Variants in SMC5 observed in about 807,000 individuals in gnomAD.
The protein encoded by SMC5 is structural maintenance of chromosomes 5, also known as structural maintenance of chromosomes protein 5.
A neutral mutation model predicts 148.3 loss-of-function variants in SMC5; 88 were observed. The ratio of observed to expected loss-of-function variants is 0.59; its 90% CI spans 0.50 to 0.71. The LOEUF is 0.71. Ranked by LOEUF, SMC5 falls within the 30% of genes least tolerant of loss-of-function variation. The probability of loss-of-function intolerance (pLI) is 0.00; values close to 1 mark genes in which losing one functional copy is unlikely to be tolerated. For missense variants in SMC5, 1,142 were observed against 1,298.9 expected, an observed-to-expected ratio of 0.88 and a Z score of 1.86; for synonymous variants, 421 against 432.8, an observed-to-expected ratio of 0.97 and a Z score of 0.34.
intron 8 of SMC5, among the ~76,000 whole-genome samples, chr9:70,295,697 A>G (rs2035183737): frequency 6.6e-6 from 1 of 152,138 alleles, no homozygotes; most frequent in Non-Finnish European, 1.5e-5. Context: ...ATTGAAAGGT[A>G]AGGGATCGTT....
At chr9:70,315,120 A>G (rs1219286512) in intron 12 of SMC5, among the ~76,000 whole-genome samples, 2 of 152,096 alleles carry the variant, frequency 1.3e-5, no homozygotes, top group Non-Finnish European at 2.9e-5. Context: ...TTCATAATGC[A>G]GAAACAATTT....
chr9:70,278,667 T>C, intron 5 of SMC5, 42 bp downstream of exon 5: 1 of 1,558,970 alleles, frequency 6.4e-7, no homozygotes, highest in South Asian at 1.2e-5. Context: ...TTCTTATTGA[T>C]TTCTGTATCT....
At chr9:70,307,437 T>C (rs957210194) in intron 11 of SMC5, among the ~76,000 whole-genome samples, 26 of 152,204 alleles carry the variant, frequency 1.7e-4, no homozygotes, top group Non-Finnish European at 3.2e-4. Context: ...CTTTTTCTTC[T>C]CCTCCATTTA....
rs918826182 is a variant in SMC5 at position 70,346,702 on chromosome 9, T to C, written c.2568+53T>C. 22 of 1,590,842 alleles carry C rather than the reference T, an allele frequency of 1.4e-5. No individual in the cohort carries two copies. The Admixed American group carries it at 2.2e-4, about 16-fold the overall frequency. ...AGCTCCTGTTTTCCCTCTGCCTTGCTCCTCCCTAGCCATTTGCTTTAAGGC... is the reference window on the plus strand; with the variant it reads ...AGCTCCTGTTTTCCCTCTGCCTTGCCCCTCCCTAGCCATTTGCTTTAAGGC... On this transcript the variant is annotated intron_variant, in intron 19 of 24. Coordinates refer to ENST00000361138, the MANE Select transcript of SMC5 (RefSeq NM_015110.4).
In SMC5 at chr9:70,298,157, A is replaced by G. The variant is rs755134388; in HGVS notation, c.1245A>G (p.Ala415=). 2.9e-5 allele frequency: 46 copies of G among 1,613,932 alleles called. No individual in the cohort carries two copies. The highest frequency in any genetic ancestry group is 3.6e-5 in the Non-Finnish European group (43 of 1,179,940). The change falls in exon 9 of 25, where the codon GCA becomes GCG. Residue 415 remains alanine, a synonymous_variant. Coordinates refer to ENST00000361138, the MANE Select transcript of SMC5 (RefSeq NM_015110.4). ...TGAGACGGATTCAGGATGAAAAGGC[A>G]TTATGTGAAGGCGAAATAATTGATA... The part of the protein sequence containing the change: ...NDLRRIQDEK[A]LCEGEIIDKR...
chr9:70,321,796 A>G (rs1327350980), intron 15 of SMC5, among the ~76,000 whole-genome samples: 1 of 152,196 alleles, frequency 6.6e-6, no homozygotes, highest in East Asian at 1.9e-4. Flanking sequence ...ACCAGAATAT[A>G]TAAGGTGGGA....
Position 70,258,983 on chromosome 9 carries a change from G to T in SMC5, c.-96G>T, listed in dbSNP as rs1042644948. 2.1e-5 allele frequency: 29 copies of T among 1,403,752 alleles called. No individual in the cohort carries two copies. The highest frequency in any genetic ancestry group is 2.7e-5 in the Non-Finnish European group (29 of 1,057,816). The allele number at this position is 1,403,752 out of a possible 1,614,324, so 87.0% of individuals were successfully genotyped here. A position where few individuals can be genotyped will look rare whatever the true frequency, so the allele number is the denominator to read the frequency against. ...GCGCGGTAACAGTTCGCGGCAGTTC[G>T]CGCGGGAGCGGGGCGCCTGGGTGGA... On this transcript the variant is annotated 5_prime_UTR_variant, in exon 1 of 25. Transcript: ENST00000361138.
chr9:70,332,896 A>G (rs2036256593), intron 17 of SMC5, among the ~76,000 whole-genome samples: 1 of 152,226 alleles, frequency 6.6e-6, no homozygotes, highest in Non-Finnish European at 1.5e-5. Context: ...CTTCATTATA[A>G]AAACTTCTTG....
At chr9:70,262,353 T>C (rs1329520069) in intron 1 of SMC5, among the ~76,000 whole-genome samples, 2 of 152,196 alleles carry the variant, frequency 1.3e-5, no homozygotes, top group Non-Finnish European at 2.9e-5. Context: ...GAAACTCGGC[T>C]GTGATGGGTT....
At chr9:70,266,458 A>G (rs2034294489) in intron 2 of SMC5, among the ~76,000 whole-genome samples, 1 of 152,228 alleles carries the variant, frequency 6.6e-6, no homozygotes, top group South Asian at 2.1e-4. Flanking sequence ...TTGTCAGATC[A>G]TTTAATCCCT....
intron 9 of SMC5, among the ~76,000 whole-genome samples, chr9:70,299,787 TTTTG>T (rs148752315): frequency 0.11 from 16,216 of 151,586 alleles, 912 homozygotes; most frequent in East Asian, 0.14. Context: ...TTGTGGGTTT[TTTTG>T]TTTGTTTGTT....
chr9:70,259,362 C>T, intron 1 of SMC5, 99 bp downstream of exon 1: 1 of 1,289,708 alleles, frequency 7.8e-7, no homozygotes, highest in South Asian at 1.6e-5. Flanking sequence ...GGGTGTGTAC[C>T]TGGCTTGTGG....
At chr9:70,308,974 A>G (rs1564049968) in intron 11 of SMC5, among the ~76,000 whole-genome samples, 5 of 152,222 alleles carry the variant, frequency 3.3e-5, no homozygotes, top group African/African-American at 1.2e-4. Context: ...TTGGCTTCCC[A>G]GTATATATAA....
intron 13 of SMC5, among the ~76,000 whole-genome samples, chr9:70,317,781 A>G (rs1011945543): frequency 6.6e-6 from 1 of 152,220 alleles, no homozygotes; most frequent in African/African-American, 2.4e-5. Flanking sequence ...GAAAAGTTCT[A>G]AAAAACTTTA....
chr9:70,339,581 G>A (rs941454289), intron 17 of SMC5, among the ~76,000 whole-genome samples: 1 of 152,128 alleles, frequency 6.6e-6, no homozygotes, highest in Non-Finnish European at 1.5e-5. Flanking sequence ...ATCTGTTCCT[G>A]CTATGCAGCT....
chr9:70,299,679 G>A (rs1316717735), intron 9 of SMC5, among the ~76,000 whole-genome samples: 1 of 149,716 alleles, frequency 6.7e-6, no homozygotes, highest in Admixed American at 6.7e-5. Flanking sequence ...TTTTAGTTTT[G>A]TTGTATATAC....
In SMC5 at chr9:70,259,031, G is replaced by T. The variant is rs767478595; in HGVS notation, c.-48G>T. 6.5e-7 allele frequency: 1 copy of T among 1,538,456 alleles called. No individual in the cohort carries two copies. The highest frequency in any genetic ancestry group is 2.4e-5 in the East Asian group (1 of 42,432). ...GGATGGGCGCTTGGGCGCCTGGGCTGCCGGACGGTGGGAACGGAAGTCGCT... is the reference window on the plus strand; with the variant it reads ...GGATGGGCGCTTGGGCGCCTGGGCTTCCGGACGGTGGGAACGGAAGTCGCT... On this transcript the variant is annotated 5_prime_UTR_variant, in exon 1 of 25. Transcript: ENST00000361138.
At chr9:70,291,687 A>T (rs1433108208) in intron 8 of SMC5, among the ~76,000 whole-genome samples, 1 of 152,210 alleles carries the variant, frequency 6.6e-6, no homozygotes. Context: ...TGACAAATGC[A>T]TCCAAGGAAA....
chr9:70,300,126 T>G lies in SMC5; in HGVS notation c.1390T>G (p.Tyr464Asp). ...DKLRQRFRDT[Y>D]DAVLWLRNNR... ...GCTAAGACAGAGATTCCGTGACACG[T>G]ATGATGCTGTTTTATGGCTAAGAAA... Residue 464 changes from tyrosine to aspartate, a missense_variant, in exon 10 of 25, where the codon TAT becomes GAT. By Grantham distance (160) the Tyr-to-Asp change is radical. Coordinates refer to ENST00000361138, the MANE Select transcript of SMC5 (RefSeq NM_015110.4). 6.2e-7 allele frequency: 1 copy of G among 1,603,534 alleles called. No homozygotes were observed. The highest frequency in any genetic ancestry group is 8.5e-7 in the Non-Finnish European group (1 of 1,177,072).
Sources: gnomAD v4.1 joint callset for allele counts (sites outside exome capture counted in the v4.1 genomes callset) on GRCh38, gnomAD v4.1.1 for gene constraint, MANE v1.5 for transcripts, NCBI Gene and HGNC (gene_info 2026-07-23, HGNC 2026-07-21) for gene names.